Variants in DNAH7 observed in about 807,000 individuals in gnomAD.
DNAH7 encodes the protein axonemal beta dynein heavy chain 7.
In DNAH7, 397 loss-of-function variants were observed where a neutral mutation model predicts 444.6. The ratio of observed to expected loss-of-function variants is 0.89; its 90% CI spans 0.82 to 0.97. The LOEUF (loss-of-function observed/expected upper bound fraction) is 0.97, where lower values mean the gene tolerates loss of function less well. DNAH7 is among the 50% of genes least tolerant of loss of function. The pLI is 0.00. For synonymous variants in DNAH7, 1,636 were observed against 1,624.4 expected, an observed-to-expected ratio of 1.01 and a Z score of -0.17; for missense variants, 4,902 against 4,800.8, an observed-to-expected ratio of 1.02 and a Z score of -0.62.
In DNAH7 at chr2:195,796,448, T is replaced by C. The variant is rs1344108488; in HGVS notation, c.10515+128A>G. The C allele has an allele frequency of 3.6e-6, 4 of 1,124,770 alleles. No individual in the cohort carries two copies. In the East Asian group the frequency reaches 7.8e-5, roughly 22 times the overall value. The allele number at this position is 1,124,770 out of a possible 1,614,324, so 69.7% of individuals were successfully genotyped here. A position where few individuals can be genotyped will look rare whatever the true frequency, so the allele number is the denominator to read the frequency against. On this transcript the variant is annotated intron_variant, in intron 56 of 64. Transcript: ENST00000312428. Reference sequence around the variant, plus strand: ...GTTTTCAATGTGAGCCTCTCTCTCCTGCAATCCAGCCAAAGCACTAACCTG... The same window carrying C: ...GTTTTCAATGTGAGCCTCTCTCTCCCGCAATCCAGCCAAAGCACTAACCTG...
intron 47 of DNAH7, among the ~76,000 whole-genome samples, chr2:195,844,276 C>T (rs534534086): frequency 6.6e-6 from 1 of 152,240 alleles, no homozygotes; most frequent in African/African-American, 2.4e-5. Flanking sequence ...AGTCATGTAA[C>T]ACAGAGCATT....
chr2:195,973,382 A>T (rs1292267679), intron 15 of DNAH7, among the ~76,000 whole-genome samples: 1 of 152,118 alleles, frequency 6.6e-6, no homozygotes, highest in Non-Finnish European at 1.5e-5. Context: ...TGATAACCTA[A>T]ACATGGATGC....
chr2:195,817,182 T>C (rs577301101), intron 50 of DNAH7, among the ~76,000 whole-genome samples: 64 of 152,294 alleles, frequency 4.2e-4, no homozygotes, highest in South Asian at 1.7e-3. Context: ...TGATCATTTA[T>C]GGGCTAACTA....
At chr2:196,044,372 A>G (rs1312321653) in intron 5 of DNAH7, among the ~76,000 whole-genome samples, 1 of 151,860 alleles carries the variant, frequency 6.6e-6, no homozygotes, top group Non-Finnish European at 1.5e-5. Context: ...GTTCTCACTC[A>G]TATGTGGGAC....
intron 5 of DNAH7, among the ~76,000 whole-genome samples, chr2:196,034,923 G>A (rs566227921): frequency 9.8e-5 from 15 of 152,346 alleles, no homozygotes; most frequent in African/African-American, 3.6e-4. Flanking sequence ...GCTCATGCCT[G>A]TAATCCCAGC....
intron 49 of DNAH7, 128 bp from the exon 50 acceptor site, chr2:195,817,957 A>G: frequency 1.6e-6 from 1 of 609,094 alleles, no homozygotes; most frequent in South Asian, 3.8e-5. Flanking sequence ...TGAAGGTGTA[A>G]TTTGTAGAGA....
intron 21 of DNAH7, among the ~76,000 whole-genome samples, chr2:195,930,027 C>T (rs1357587320): frequency 6.6e-6 from 1 of 151,972 alleles, no homozygotes; most frequent in African/African-American, 2.4e-5. Context: ...ATTGAACAAG[C>T]AAAAAACAAA....
At chr2:196,065,538 G>T (rs971212806) in intron 1 of DNAH7, among the ~76,000 whole-genome samples, 2 of 152,116 alleles carry the variant, frequency 1.3e-5, no homozygotes, top group African/African-American at 4.8e-5. Context: ...TCTACAGATG[G>T]ACATCATCTG....
chr2:195,879,249 C>T (rs995307814), intron 36 of DNAH7, among the ~76,000 whole-genome samples: 1 of 151,916 alleles, frequency 6.6e-6, no homozygotes, highest in African/African-American at 2.4e-5. Context: ...CACGCTGAGT[C>T]TAAATGATCA....
At position 195,914,718 on chromosome 2, in the gene DNAH7, C is replaced by T. The variant is rs1182004250; in HGVS notation, c.3936-4523G>A. Among the ~76,000 whole-genome samples the T allele has an allele frequency of 6.6e-5, 10 of 152,242 alleles. No homozygotes were observed. In the South Asian group the frequency reaches 1.2e-3, roughly 19 times the overall value. On this transcript the variant is annotated intron_variant, in intron 24 of 64. Transcript: ENST00000312428. The stretch of plus-strand genomic sequence containing the variant: ...TTGCTCTGTCACCCAGGCTGGAGTG[C>T]GGTGGCAAAATCTTGGCCCACTGCA...
chr2:196,044,837 G>GT (rs1575092393), intron 5 of DNAH7, among the ~76,000 whole-genome samples: 1 of 152,090 alleles, frequency 6.6e-6, no homozygotes, highest in African/African-American at 2.4e-5. Flanking sequence ...AGAGGTTGAG[G>GT]TAGGGGACCA....
chr2:195,741,810 T>C (rs1436352786), intron 63 of DNAH7, among the ~76,000 whole-genome samples: 1 of 152,204 alleles, frequency 6.6e-6, no homozygotes, highest in Non-Finnish European at 1.5e-5. Flanking sequence ...TTTGCAGTGA[T>C]GGAAATGTTC....
intron 29 of DNAH7, among the ~76,000 whole-genome samples, chr2:195,895,601 T>C (rs929078855): frequency 1.3e-5 from 2 of 152,092 alleles, no homozygotes; most frequent in South Asian, 2.1e-4. Context: ...TTTTAAAGTA[T>C]AAAATTTCAT....
intron 17 of DNAH7, 40 bp downstream of exon 17, chr2:195,969,908 A>G (rs760651207): frequency 6.3e-7 from 1 of 1,576,230 alleles, no homozygotes; most frequent in South Asian, 1.2e-5. Flanking sequence ...TGCTTTTTCA[A>G]TTGAACTAAT....
chr2:196,016,993 T>A (rs1376636074), intron 9 of DNAH7, among the ~76,000 whole-genome samples: 4 of 152,168 alleles, frequency 2.6e-5, no homozygotes, highest in Admixed American at 2.0e-4. Context: ...AGAGTGCTTT[T>A]TTATTATTTT....
intron 63 of DNAH7, among the ~76,000 whole-genome samples, chr2:195,746,253 G>A (rs1693396336): frequency 6.6e-6 from 1 of 151,942 alleles, no homozygotes; most frequent in Non-Finnish European, 1.5e-5. Context: ...GACAAAGAAG[G>A]CCATTACATA....
intron 24 of DNAH7, among the ~76,000 whole-genome samples, chr2:195,916,549 G>A (rs1687690332): frequency 6.6e-6 from 1 of 151,508 alleles, no homozygotes; most frequent in Non-Finnish European, 1.5e-5. Flanking sequence ...CCAGGGAAAG[G>A]CAGACTCACA....
chr2:195,921,705 G>A (rs1688037774), intron 24 of DNAH7, among the ~76,000 whole-genome samples: 2 of 152,144 alleles, frequency 1.3e-5, no homozygotes, highest in Non-Finnish European at 2.9e-5. Context: ...ACTTATCCAT[G>A]TAACCAAACA....
chr2:195,910,847 C>CTA (rs778905606), intron 24 of DNAH7, among the ~76,000 whole-genome samples: 1 of 152,048 alleles, frequency 6.6e-6, no homozygotes, highest in African/African-American at 2.4e-5. Context: ...ACAAAGAAGC[C>CTA]TATCCTTCAT....
Sources: gnomAD v4.1 joint callset for allele counts (sites outside exome capture counted in the v4.1 genomes callset) on GRCh38, gnomAD v4.1.1 for gene constraint, MANE v1.5 for transcripts, NCBI Gene and HGNC (gene_info 2026-07-23, HGNC 2026-07-21) for gene names.